The following ZNF268 variants were observed in gnomAD, a reference collection of about 807,000 sequenced individuals.
ZNF268 encodes zinc finger protein 3.
Under a neutral mutation model 29.3 loss-of-function variants are expected in ZNF268, and 20 were observed. The ratio of observed to expected loss-of-function variants is 0.68; its 90% CI spans 0.48 to 0.99. ZNF268 has a LOEUF of 0.99. Ranked by LOEUF, ZNF268 falls within the 50% of genes least tolerant of loss-of-function variation. ZNF268 has a pLI of 0.00. For synonymous variants in ZNF268, 429 were observed against 376.9 expected (o/e 1.14, Z -1.60); for missense variants, 1,240 against 1,121.6 (o/e 1.11, Z -1.51).
intron 5 of ZNF268, among the ~76,000 whole-genome samples, chr12:133,201,377 T>C (rs562877772): frequency 6.6e-6 from 1 of 152,204 alleles, no homozygotes; most frequent in Admixed American, 6.5e-5. Context: ...CCTCTGTCAT[T>C]TCTTTTCTTG....
intron 5 of ZNF268, among the ~76,000 whole-genome samples, chr12:133,195,533 C>T (rs1207907374): frequency 6.6e-6 from 1 of 151,992 alleles, no homozygotes; most frequent in Non-Finnish European, 1.5e-5. Flanking sequence ...AGTGAGACCC[C>T]AGCTTTACCA....
intron 3 of ZNF268, among the ~76,000 whole-genome samples, chr12:133,189,847 G>A (rs1424847872): frequency 1.3e-5 from 2 of 152,052 alleles, no homozygotes; most frequent in South Asian, 2.1e-4. Flanking sequence ...TCGCTCTGTC[G>A]CCTAGGCTGG....
Position 133,214,607 on chromosome 12 carries a change from A to G in ZNF268, c.*10077A>G, listed in dbSNP as rs561130146. 2.0e-5 allele frequency: 3 copies of G among 152,338 alleles called. No homozygotes were observed. In the South Asian group the frequency reaches 6.2e-4, roughly 32 times the overall value. 9.4% of individuals were successfully genotyped at this position (152,338 alleles called of 1,614,324 possible). A position where few individuals can be genotyped will look rare whatever the true frequency, so the allele number is the denominator to read the frequency against. On this transcript the variant is annotated 3_prime_UTR_variant, in exon 6 of 6. Transcript: ENST00000536435. ...TGAAATACCCAGAATGGGTAAATCC[A>G]AAGAGAGCATATTGGTGGTTGTCAA...
Position 133,209,718 on chromosome 12 carries a change from CAGG to C in ZNF268, c.*5191_*5193del, listed in dbSNP as rs1226413590. ...GCATGCATCTATAATCCAAGCTACT[CAGG>C]AGAATTGCTTGAACTGGAGAGGCGG... On this transcript the variant is annotated 3_prime_UTR_variant, in exon 6 of 6. Coordinates refer to ENST00000536435, the MANE Select transcript of ZNF268 (RefSeq NM_003415.3). The C allele has an allele frequency of 3.3e-5, 5 of 152,198 alleles. No individual in the cohort carries two copies. The highest frequency in any genetic ancestry group is 9.6e-5 in the African/African-American group (4 of 41,452). 9.4% of individuals were successfully genotyped at this position (152,198 alleles called of 1,614,324 possible). A position where few individuals can be genotyped will look rare whatever the true frequency, so the allele number is the denominator to read the frequency against.
intron 5 of ZNF268, among the ~76,000 whole-genome samples, chr12:133,198,390 C>CTATA (rs1956667177): frequency 6.6e-6 from 1 of 150,588 alleles, no homozygotes; most frequent in Non-Finnish European, 1.5e-5. Context: ...TTCCATTGAT[C>CTATA]TATATCTCTG....
chr12:133,214,811 T>C lies in ZNF268; in HGVS notation c.*10281T>C, dbSNP rs1957033452. Reference sequence around the variant, plus strand: ...TTATATTGTGTAAATTTTACCTCAATAAAAAAATCTAGTCCACAGCATTCC... The same window carrying C: ...TTATATTGTGTAAATTTTACCTCAACAAAAAAATCTAGTCCACAGCATTCC... On this transcript the variant is annotated 3_prime_UTR_variant, in exon 6 of 6. Transcript: ENST00000536435. 6.6e-6 allele frequency: 1 copy of C among 152,142 alleles called. No homozygotes were observed. The highest frequency in any genetic ancestry group is 1.5e-5 in the Non-Finnish European group (1 of 68,030). The allele number at this position is 152,142 out of a possible 1,614,324, so 9.4% of individuals were successfully genotyped here.
chr12:133,191,131 A>G (rs1404514207), intron 3 of ZNF268, among the ~76,000 whole-genome samples: 1 of 152,128 alleles, frequency 6.6e-6, no homozygotes, highest in Non-Finnish European at 1.5e-5. Context: ...CCTGGCTAAC[A>G]CAGTGAAACC....
chr12:133,194,849 C>T (rs1182878318), intron 5 of ZNF268, among the ~76,000 whole-genome samples: 1 of 152,202 alleles, frequency 6.6e-6, no homozygotes, highest in East Asian at 1.9e-4. Context: ...CAGGCAGCAC[C>T]TGTCACACCC....
At chr12:133,187,809 C>A (rs1425585574) in intron 2 of ZNF268, 63 bp from the exon 3 acceptor site, 1 of 1,451,836 alleles carries the variant, frequency 6.9e-7, no homozygotes, top group Non-Finnish European at 9.4e-7. Context: ...TGATGTGACC[C>A]CTATTTCCTT....
At chr12:133,198,234 G>A (rs1469811083) in intron 5 of ZNF268, among the ~76,000 whole-genome samples, 3 of 148,910 alleles carry the variant, frequency 2.0e-5, no homozygotes, top group Non-Finnish European at 1.5e-5. Context: ...AAGGGATCCA[G>A]TTTCAGCTTT....
rs185643495 is a variant in ZNF268, at chr12:133,212,592, T to C, written c.*8062T>C. ...ATATATATAATAAGAACATTTACCA[T>C]TTTAACTATTTTTAAGTGTACACTT... On this transcript the variant is annotated 3_prime_UTR_variant, in exon 6 of 6. Coordinates refer to ENST00000536435, the MANE Select transcript of ZNF268 (RefSeq NM_003415.3). The C allele has an allele frequency of 6.6e-6, 1 of 151,308 alleles. No homozygotes were observed. The highest frequency in any genetic ancestry group is 1.5e-5 in the Non-Finnish European group (1 of 67,820). The allele number at this position is 151,308 out of a possible 1,614,324, so 9.4% of individuals were successfully genotyped here.
intron 5 of ZNF268, chr12:133,193,453 C>A: frequency 2.9e-6 from 2 of 692,504 alleles, no homozygotes; most frequent in Non-Finnish European, 5.2e-6. Context: ...AGTCCAAAGC[C>A]AAGGTGCTGG....
In ZNF268 at chr12:133,191,941, A is replaced by T; in HGVS notation, c.395A>T (p.Lys132Met). ...CACACCAAACCTGATATCATCTTCA[A>T]GTTGGAACAAGGAGAAGAGCTGTGT... ...YQHTKPDIIF[K>M]LEQGEELCMV... The change falls in exon 5 of 6, where the codon AAG (lysine) becomes ATG (methionine). Residue 132 changes from lysine (K) to methionine (M), a missense_variant. Transcript: ENST00000536435. 1 of 1,614,096 alleles carries T rather than the reference A, an allele frequency of 6.2e-7. No individual in the cohort carries two copies. The highest frequency in any genetic ancestry group is 8.5e-7 in the Non-Finnish European group (1 of 1,180,008).
At position 133,202,916 on chromosome 12, in the gene ZNF268, T is replaced by C; in HGVS notation, c.1230T>C (p.His410=). 6.5e-7 allele frequency: 1 copy of C among 1,546,888 alleles called. No individual in the cohort carries two copies. Among genetic ancestry groups the C allele is most frequent in the Non-Finnish European group, 8.7e-7 (1 of 1,150,094 alleles). ...KSQLIIHERI[H]TGEKPYECNE... The stretch of plus-strand genomic sequence containing the variant: ...AGCTCATTATACATGAAAGAATTCA[T>C]ACAGGAGAGAAACCATATGAATGCA... Residue 410 remains histidine (H), a synonymous_variant, in exon 6 of 6, where the codon CAT becomes CAC. Coordinates refer to ENST00000536435, the MANE Select transcript of ZNF268 (RefSeq NM_003415.3).
At position 133,203,576 on chromosome 12, in the gene ZNF268, T is replaced by C; in HGVS notation, c.1890T>C (p.His630=). Residue 630 remains histidine (H), a synonymous_variant, in exon 6 of 6, where the codon CAT becomes CAC. Transcript: ENST00000536435. ...AFNTKSNLIV[H]QRTHTGEKPY... ...ATACAAAGTCAAACCTGATTGTACA[T>C]CAGAGAACTCATACAGGAGAGAAAC... is the stretch of plus-strand genomic sequence containing the variant. 1 of 1,566,930 alleles carries C rather than the reference T, an allele frequency of 6.4e-7. No individual in the cohort carries two copies. Among genetic ancestry groups the C allele is most frequent in the Non-Finnish European group, 8.6e-7 (1 of 1,159,350 alleles).
rs776808684 is a variant in ZNF268, at chr12:133,203,101, A to G, written c.1415A>G (p.Tyr472Cys). 36 of 1,537,452 alleles carry G rather than the reference A, an allele frequency of 2.3e-5. No individual in the cohort carries two copies. The South Asian group carries it at 3.0e-4, about 13-fold the overall frequency. Residue 472 changes from tyrosine to cysteine, a missense_variant, in exon 6 of 6, where the codon TAT becomes TGT. Coordinates refer to ENST00000536435, the MANE Select transcript of ZNF268 (RefSeq NM_003415.3). ...GGGATTCACACAGGAGTAAAGCCCT[A>G]TGGGTGTATTCAGTGTGGTAAAGGA... ...HQGIHTGVKP[Y>C]GCIQCGKGFS...
At position 133,202,918 on chromosome 12, in the gene ZNF268, C is replaced by T. The variant is rs1317499432; in HGVS notation, c.1232C>T (p.Thr411Ile). The part of the protein sequence containing the change: ...SQLIIHERIH[T>I]GEKPYECNEC... ...CTCATTATACATGAAAGAATTCATA[C>T]AGGAGAGAAACCATATGAATGCAAT... Residue 411 changes from threonine (T) to isoleucine (I), a missense_variant, in exon 6 of 6, where the codon ACA becomes ATA. Transcript: ENST00000536435. The T allele has an allele frequency of 1.9e-6, 3 of 1,546,588 alleles. No homozygotes were observed. The highest frequency in any genetic ancestry group is 1.7e-6 in the Non-Finnish European group (2 of 1,150,036).
chr12:133,185,064 A>G (rs1312583838), intron 2 of ZNF268, among the ~76,000 whole-genome samples: 1 of 151,512 alleles, frequency 6.6e-6, no homozygotes, highest in East Asian at 2.0e-4. Context: ...GGCACCTGTA[A>G]TCCCAGCTAC....
chr12:133,189,099 A>G (rs1006063803), intron 3 of ZNF268, among the ~76,000 whole-genome samples: 1 of 152,140 alleles, frequency 6.6e-6, no homozygotes, highest in Non-Finnish European at 1.5e-5. Flanking sequence ...TTTGATTTTT[A>G]AAAGTCAATG....
Sources: allele counts gnomAD v4.1 joint callset (sites outside exome capture counted in the v4.1 genomes callset), GRCh38; gene constraint gnomAD v4.1.1; transcripts MANE v1.5; gene names NCBI Gene and HGNC (gene_info 2026-07-23, HGNC 2026-07-21).